Variants in EVI5 observed in about 807,000 individuals in gnomAD.
The protein encoded by EVI5 is ecotropic viral integration site 5 protein homolog.
EVI5 carries 73 observed loss-of-function variants against 112.0 expected under a neutral mutation model. The ratio of observed to expected loss-of-function variants is 0.65; its 90% CI spans 0.54 to 0.79. The LOEUF (loss-of-function observed/expected upper bound fraction) is 0.79, where lower values mean the gene tolerates loss of function less well. Among genes scored for constraint, EVI5 ranks in the 30% least tolerant of loss-of-function variants. EVI5 has a pLI of 0.00. For missense variants in EVI5, 900 were observed against 968.8 expected, an observed-to-expected ratio of 0.93 and a Z score of 0.94; for synonymous variants, 305 against 319.9, an observed-to-expected ratio of 0.95 and a Z score of 0.50.
At chr1:92,616,574 C>A (rs1653230469) in intron 16 of EVI5, among the ~76,000 whole-genome samples, 1 of 152,048 alleles carries the variant, frequency 6.6e-6, no homozygotes, top group Non-Finnish European at 1.5e-5. Flanking sequence ...TTTATACAAG[C>A]AGAAAACTTC....
At chr1:92,784,612 GC>G in intron 1 of EVI5, 1 of 301,218 alleles carries the variant, frequency 3.3e-6, no homozygotes, top group Non-Finnish European at 4.9e-6. Flanking sequence ...CTTCCCCAGC[GC>G]CCACGAGAAG....
In EVI5 at chr1:92,756,302, G is replaced by A. The variant is rs145463921; in HGVS notation, c.-81-19675C>T. 1.1e-3 allele frequency: 502 copies of A among 464,382 alleles called. 3 individuals carry two copies. The highest frequency in any genetic ancestry group is 6.8e-3 in the African/African-American group (343 of 50,112). The allele number at this position is 464,382 out of a possible 1,614,324, so 28.8% of individuals were successfully genotyped here. A position where few individuals can be genotyped will look rare whatever the true frequency, so the allele number is the denominator to read the frequency against. On this transcript the variant is annotated intron_variant, in intron 1 of 19. Coordinates refer to ENST00000684568, the MANE Select transcript of EVI5 (RefSeq NM_001350197.2). ...AGTAGTACACAAAACAGATCTTCAC[G>A]ATGGCTGGCCAACGATTTGCCTGGA... is the stretch of plus-strand genomic sequence containing the variant.
At position 92,513,743 on chromosome 1, in the gene EVI5, G is replaced by A; in HGVS notation, c.2394C>T (p.Asp798=). Residue 798 remains aspartate (D), a synonymous_variant, in exon 20 of 20, where the codon GAC becomes GAT. Transcript: ENST00000684568. ...VADGSESETE[D]SVLETRESNQ... Reference sequence around the variant, plus strand: ...TGCTCTCTCTGGTCTCCAGCACACTGTCTTCTGTTTCGCTCTCACTACCAT... The same window carrying A: ...TGCTCTCTCTGGTCTCCAGCACACTATCTTCTGTTTCGCTCTCACTACCAT... 1 of 1,613,464 alleles carries A rather than the reference G, an allele frequency of 6.2e-7. No homozygotes were observed. Among genetic ancestry groups the A allele is most frequent in the Non-Finnish European group, 8.5e-7 (1 of 1,179,824 alleles).
chr1:92,699,986 T>G (rs1252788499), intron 5 of EVI5, among the ~76,000 whole-genome samples: 1 of 152,098 alleles, frequency 6.6e-6, no homozygotes, highest in East Asian at 1.9e-4. Context: ...TGGCAACATT[T>G]TAAAAAATAA....
intron 19 of EVI5, among the ~76,000 whole-genome samples, chr1:92,559,128 C>G (rs934870749): frequency 3.9e-5 from 6 of 152,088 alleles, no homozygotes; most frequent in Non-Finnish European, 5.9e-5. Flanking sequence ...CTTATAATAC[C>G]TAATACAATG....
chr1:92,584,014 G>C (rs2101121504), intron 18 of EVI5, among the ~76,000 whole-genome samples: 1 of 152,186 alleles, frequency 6.6e-6, no homozygotes, highest in Non-Finnish European at 1.5e-5. Context: ...TTTTCTCCGG[G>C]AGTAGTATTA....
upstream of EVI5, among the ~76,000 whole-genome samples, chr1:92,785,699 T>A (rs182355529): frequency 6.6e-6 from 1 of 152,292 alleles, no homozygotes; most frequent in Non-Finnish European, 1.5e-5. Flanking sequence ...GTACTTTGTT[T>A]GGGACGGAAA....
chr1:92,523,967 T>G (rs1661401832), intron 19 of EVI5, among the ~76,000 whole-genome samples: 1 of 151,856 alleles, frequency 6.6e-6, no homozygotes, highest in Non-Finnish European at 1.5e-5. Context: ...ATGCCTGTAG[T>G]CCCAGCTTAG....
chr1:92,678,104 A>G (rs2102327281), intron 9 of EVI5, among the ~76,000 whole-genome samples: 1 of 152,316 alleles, frequency 6.6e-6, no homozygotes, highest in South Asian at 2.1e-4. Flanking sequence ...GTTGGGTACT[A>G]TGCTTGCTAT....
At chr1:92,519,683 G>A (rs557488747) in intron 19 of EVI5, among the ~76,000 whole-genome samples, 2 of 151,802 alleles carry the variant, frequency 1.3e-5, no homozygotes, top group South Asian at 4.2e-4. Flanking sequence ...AGCTGAGGTC[G>A]GTACTTCGAG....
Position 92,508,831 on chromosome 1 carries a change from TG to T in EVI5, c.*4824del, listed in dbSNP as rs1659016621. ...ATAACTTTGCTTCTTGGTAGTATAC[TG>T]AATGTATTATTCTATCATCTCCTCT... On this transcript the variant is annotated 3_prime_UTR_variant, in exon 20 of 20. Transcript: ENST00000684568. 6.6e-6 allele frequency: 1 copy of T among 152,608 alleles called. No homozygotes were observed. The highest frequency in any genetic ancestry group is 2.4e-5 in the African/African-American group (1 of 41,470). 9.5% of individuals were successfully genotyped at this position (152,608 alleles called of 1,614,324 possible).
chr1:92,728,921 A>G (rs907325745), intron 2 of EVI5, among the ~76,000 whole-genome samples: 1 of 152,176 alleles, frequency 6.6e-6, no homozygotes, highest in African/African-American at 2.4e-5. Flanking sequence ...GTCAGTTATC[A>G]GATATACTAT....
chr1:92,789,492 C>T (rs1034662200), upstream of EVI5, among the ~76,000 whole-genome samples: 9 of 152,036 alleles, frequency 5.9e-5, no homozygotes, highest in Admixed American at 2.6e-4. Flanking sequence ...TTAGTAGAAA[C>T]GGGGTTTCAC....
At chr1:92,719,666 T>C (rs555486900) in intron 2 of EVI5, among the ~76,000 whole-genome samples, 1 of 152,128 alleles carries the variant, frequency 6.6e-6, no homozygotes, top group South Asian at 2.1e-4. Flanking sequence ...TCTCCACTCC[T>C]ATTCAACATA....
chr1:92,582,559 T>G (rs1284993580), intron 18 of EVI5, among the ~76,000 whole-genome samples: 1 of 151,850 alleles, frequency 6.6e-6, no homozygotes, highest in African/African-American at 2.4e-5. Context: ...AAGAGCTTGA[T>G]TCAAGAAAAA....
chr1:92,771,528 T>C (rs1321272034), intron 1 of EVI5, among the ~76,000 whole-genome samples: 1 of 152,102 alleles, frequency 6.6e-6, no homozygotes, highest in Non-Finnish European at 1.5e-5. Context: ...AAGGATTCCA[T>C]GTCCTTACAG....
chr1:92,606,611 G>A (rs891447998), intron 17 of EVI5, among the ~76,000 whole-genome samples: 1 of 152,138 alleles, frequency 6.6e-6, no homozygotes, highest in African/African-American at 2.4e-5. Flanking sequence ...TTATAAGGAT[G>A]TAATTTCATC....
chr1:92,720,666 T>G (rs974431559), intron 2 of EVI5, among the ~76,000 whole-genome samples: 3 of 151,988 alleles, frequency 2.0e-5, no homozygotes, highest in Non-Finnish European at 4.4e-5. Context: ...AAAGCCAAAA[T>G]TAACAAATGG....
chr1:92,761,668 G>C (rs146441813), intron 1 of EVI5, among the ~76,000 whole-genome samples: 8 of 152,034 alleles, frequency 5.3e-5, no homozygotes, highest in African/African-American at 1.9e-4. Context: ...ATGGTGTCTT[G>C]CTATATTGCC....
Sources: allele counts gnomAD v4.1 joint callset (sites outside exome capture counted in the v4.1 genomes callset), GRCh38; gene constraint gnomAD v4.1.1; transcripts MANE v1.5; gene names NCBI Gene and HGNC (gene_info 2026-07-23, HGNC 2026-07-21).